The following UNC79 variants were observed in gnomAD, a reference collection of about 807,000 sequenced individuals.
UNC79 encodes the protein unc-79 subunit of NALCN channel complex.
UNC79 carries 37 observed loss-of-function variants against 283.1 expected under a neutral mutation model. That is an observed-to-expected ratio of 0.13 (90% CI 0.10 to 0.17). The LOEUF (loss-of-function observed/expected upper bound fraction) is 0.17. UNC79 is among the 10% of genes least tolerant of loss of function. UNC79 has a pLI of 1.00. For synonymous variants in UNC79, 1,107 were observed against 1,200.2 expected, an observed-to-expected ratio of 0.92 and a Z score of 1.61; for missense variants, 2,272 against 3,211.1, an observed-to-expected ratio of 0.71 and a Z score of 7.07.
At chr14:93,383,514 T>C (rs1382440012) in intron 1 of UNC79, among the ~76,000 whole-genome samples, 4 of 152,218 alleles carry the variant, frequency 2.6e-5, no homozygotes, top group African/African-American at 9.6e-5. Flanking sequence ...AACTGCACAA[T>C]AGCATTATGT....
At chr14:93,427,173 C>T (rs1471822806), upstream of UNC79, among the ~76,000 whole-genome samples, 1 of 152,164 alleles carries the variant, frequency 6.6e-6, no homozygotes, top group Non-Finnish European at 1.5e-5. Flanking sequence ...GGTGATATCT[C>T]CTTTACTGTG....
At chr14:93,503,080 C>T (rs2059374238) in intron 7 of UNC79, among the ~76,000 whole-genome samples, 1 of 152,166 alleles carries the variant, frequency 6.6e-6, no homozygotes, top group Admixed American at 6.5e-5. Flanking sequence ...CATATGTTCC[C>T]TCTTACACCC....
intron 5 of UNC79, among the ~76,000 whole-genome samples, chr14:93,493,901 A>ATTTTTTTTT (rs71129642): frequency 2.4e-4 from 12 of 49,250 alleles, no homozygotes; most frequent in Non-Finnish European, 3.3e-4. Flanking sequence ...ATATATATAT[A>ATTTTTTTTT]TTTTTTTTTT....
chr14:93,480,209 G>A (rs2058054212), intron 4 of UNC79, among the ~76,000 whole-genome samples: 1 of 152,146 alleles, frequency 6.6e-6, no homozygotes, highest in Non-Finnish European at 1.5e-5. Context: ...AGTAAGTTGA[G>A]TTTACAAAAT....
chr14:93,486,656 GGA>G (rs779357688), intron 4 of UNC79, among the ~76,000 whole-genome samples: 2 of 78,508 alleles, frequency 2.5e-5, no homozygotes, highest in Admixed American at 1.6e-4. Flanking sequence ...CTCTGTCTAA[GGA>G]AAAAAAAAAA....
Position 93,404,493 on chromosome 14 carries a change from A to AAT in UNC79, c.-350-63158_-350-63157dup, listed in dbSNP as rs1445930733. Among the ~76,000 whole-genome samples, 63 of 61,494 alleles carry AAT rather than the reference A, an allele frequency of 1.0e-3. 4 individuals are homozygous for AAT. Among genetic ancestry groups the AAT allele is most frequent in the African/African-American group, 2.5e-3 (38 of 15,006 alleles). 40.3% of individuals were successfully genotyped at this position (61,494 alleles called of 152,430 possible). On this transcript the variant is annotated intron_variant, in intron 1 of 49. Coordinates refer to the UNC79 transcript ENST00000256339. ...TGACAGAGTGAGACCTTCTAAAAAA[A>AAT]ATATATATATATATATATATAAATA...
intron 2 of UNC79, among the ~76,000 whole-genome samples, chr14:93,473,841 T>C (rs566035086): frequency 8.5e-5 from 13 of 152,338 alleles, no homozygotes; most frequent in Admixed American, 2.6e-4. Flanking sequence ...TTTATATTTT[T>C]GCTCCTTACT....
intron 1 of UNC79, among the ~76,000 whole-genome samples, chr14:93,376,151 T>C (rs1483707897): frequency 6.6e-6 from 1 of 152,208 alleles, no homozygotes; most frequent in African/African-American, 2.4e-5. Context: ...GAAAATGGAC[T>C]AAGACATGAA....
rs1418803759 is a variant in UNC79, at chr14:93,480,880, C to T, written c.619+3152C>T. Among the ~76,000 whole-genome samples, 6 of 152,154 alleles carry T rather than the reference C, an allele frequency of 3.9e-5. No homozygotes were observed. In the East Asian group the frequency reaches 9.7e-4, roughly 25 times the overall value. ...TGAAGGATATTGTATGTCCTGAGTA[C>T]TTGATAAAGTCTTTAAGACAAAAAG... On this transcript the variant is annotated intron_variant, in intron 4 of 48. Transcript: ENST00000555664.
intron 1 of UNC79, among the ~76,000 whole-genome samples, chr14:93,382,726 GT>G (rs1030973374): frequency 1.3e-5 from 2 of 152,148 alleles, no homozygotes; most frequent in Non-Finnish European, 2.9e-5. Flanking sequence ...TTAGTGAGTG[GT>G]AGAGTCGGTT....
chr14:93,474,248 C>T lies in UNC79; in HGVS notation c.303C>T (p.Ser101=). ...CTGTTACTCGCTCCCTCCTTTACAG[C>T]GTCCTGCGAGATGCTCCCTCAGAAC... Residue 101 remains serine (S), a synonymous_variant, in exon 3 of 49, where the codon AGC becomes AGT. Transcript: ENST00000555664. The surrounding 1 kb of genome is among the most constrained non-coding windows in gnomAD (Gnocchi z 4.1). 2 of 1,536,078 alleles carry T rather than the reference C, an allele frequency of 1.3e-6. No homozygotes were observed. The highest frequency in any genetic ancestry group is 1.7e-6 in the Non-Finnish European group (2 of 1,146,882).
At chr14:93,659,925 T>C (rs2071356648) in intron 39 of UNC79, among the ~76,000 whole-genome samples, 2 of 152,182 alleles carry the variant, frequency 1.3e-5, no homozygotes, top group Non-Finnish European at 2.9e-5. Context: ...TGAAAAAACA[T>C]ATTCATATTA....
chr14:93,526,750 G>A (rs185519338), intron 8 of UNC79, among the ~76,000 whole-genome samples: 12 of 152,298 alleles, frequency 7.9e-5, no homozygotes, highest in Admixed American at 3.9e-4. Flanking sequence ...AGGTTGACTA[G>A]CTAATCTCTA....
At chr14:93,660,561 ATATGTG>A (rs1427992848) in intron 39 of UNC79, among the ~76,000 whole-genome samples, 43 of 83,202 alleles carry the variant, frequency 5.2e-4, no homozygotes, top group Non-Finnish European at 9.1e-4. Flanking sequence ...ATATATATAT[ATATGTG>A]TGTGTGTGTG....
chr14:93,474,316 C>G lies in UNC79; in HGVS notation c.371C>G (p.Ser124Cys). ...GATGCTCAGTTGTCAGACTACCCTT[C>G]TTTGGACTACCAAGGCCTCTACGTG... Residue 124 changes from serine to cysteine, a missense_variant, in exon 3 of 49, where the codon TCT becomes TGT. Transcript: ENST00000555664. This position sits in a 1 kb window ranked among gnomAD's most constrained non-coding sequence, Gnocchi z 4.1. The G allele has an allele frequency of 6.5e-7, 1 of 1,536,094 alleles. No individual in the cohort carries two copies. Among genetic ancestry groups the G allele is most frequent in the Non-Finnish European group, 8.7e-7 (1 of 1,146,874 alleles).
chr14:93,558,554 T>TAAA (rs563152046), intron 14 of UNC79, among the ~76,000 whole-genome samples: 1 of 126,390 alleles, frequency 7.9e-6, no homozygotes, highest in African/African-American at 3.0e-5. Flanking sequence ...AGACTCCATT[T>TAAA]AAAAAAAAAA....
At chr14:93,370,248 G>GATC (rs1372091270) in intron 1 of UNC79, among the ~76,000 whole-genome samples, 1 of 152,142 alleles carries the variant, frequency 6.6e-6, no homozygotes, top group Non-Finnish European at 1.5e-5. Flanking sequence ...ATGTTGCAAT[G>GATC]ATCAGACCAG....
chr14:93,400,638 A>G (rs2055089929), intron 1 of UNC79, among the ~76,000 whole-genome samples: 2 of 152,294 alleles, frequency 1.3e-5, no homozygotes, highest in Middle Eastern at 3.4e-3. Flanking sequence ...AGGAAGGCAC[A>G]AGGATAAGTT....
chr14:93,706,134 TC>T (rs1271939204), intron 48 of UNC79, among the ~76,000 whole-genome samples: 2 of 152,130 alleles, frequency 1.3e-5, no homozygotes, highest in Non-Finnish European at 2.9e-5. Flanking sequence ...CCGACAGAAC[TC>T]CCTAAGAAGC....
Sources: gnomAD v4.1 joint callset for allele counts (sites outside exome capture counted in the v4.1 genomes callset) on GRCh38, gnomAD v4.1.1 for gene constraint, Gnocchi (gnomAD v3.1) non-coding constraint, MANE v1.5 for transcripts, NCBI Gene and HGNC (gene_info 2026-07-23, HGNC 2026-07-21) for gene names.